Variants in LRRC4C observed in about 807,000 individuals in gnomAD.
LRRC4C encodes leucine rich repeat containing 4C, also known as leucine-rich repeat-containing protein 4C.
LRRC4C carries 5 observed loss-of-function variants against 33.6 expected under a neutral mutation model. The observed-to-expected ratio is 0.15, with a 90% confidence interval of 0.08 to 0.31. The LOEUF is 0.31. LRRC4C is among the 10% of genes least tolerant of loss of function. The pLI is 1.00. For synonymous variants in LRRC4C, 329 were observed against 302.0 expected (o/e 1.09, Z -0.93); for missense variants, 560 against 796.7 (o/e 0.70, Z 3.58).
chr11:41,281,788 C>T (rs957221551), intron 1 of LRRC4C, among the ~76,000 whole-genome samples: 1 of 152,218 alleles, frequency 6.6e-6, no homozygotes, highest in African/African-American at 2.4e-5. Flanking sequence ...CATTAAGCCA[C>T]TCCAACAATC....
intron 3 of LRRC4C, among the ~76,000 whole-genome samples, chr11:40,623,854 G>T (rs977678361): frequency 3.2e-4 from 49 of 152,062 alleles, no homozygotes; most frequent in Middle Eastern, 3.4e-3. Context: ...TATCTCAACA[G>T]AATCAGTTAA....
At chr11:40,336,856 A>G (rs564849630) in intron 3 of LRRC4C, among the ~76,000 whole-genome samples, 178 of 151,586 alleles carry the variant, frequency 1.2e-3, no homozygotes, top group Admixed American at 3.3e-3. Flanking sequence ...GGGCGCCTGT[A>G]GTCCCAGCTA....
chr11:41,211,074 C>T (rs778781407), intron 1 of LRRC4C, among the ~76,000 whole-genome samples: 2 of 152,176 alleles, frequency 1.3e-5, no homozygotes, highest in Non-Finnish European at 2.9e-5. Flanking sequence ...TGCTGTGCGG[C>T]CTAGTTCCTA....
intron 3 of LRRC4C, among the ~76,000 whole-genome samples, chr11:40,560,754 C>A (rs891288627): frequency 2.6e-5 from 4 of 152,170 alleles, no homozygotes; most frequent in Admixed American, 1.3e-4. Context: ...TCTGATCTAA[C>A]TTCTGTCAAT....
At chr11:40,511,598 G>A (rs757401412) in intron 3 of LRRC4C, among the ~76,000 whole-genome samples, 2 of 152,156 alleles carry the variant, frequency 1.3e-5, no homozygotes, top group African/African-American at 4.8e-5. Flanking sequence ...TATCTCATAT[G>A]TTTTGCATAA....
intron 5 of LRRC4C, among the ~76,000 whole-genome samples, chr11:40,208,697 G>T (rs1863345131): frequency 6.6e-6 from 1 of 152,088 alleles, no homozygotes; most frequent in African/African-American, 2.4e-5. Flanking sequence ...TACAAGTATT[G>T]CCCCAGATAC....
At chr11:41,075,183 C>G (rs371100745) in intron 1 of LRRC4C, among the ~76,000 whole-genome samples, 2 of 151,970 alleles carry the variant, frequency 1.3e-5, no homozygotes, top group South Asian at 2.1e-4. Flanking sequence ...TTAGGCTCAA[C>G]GGTCACTTTG....
At chr11:40,288,367 A>T (rs1208109250) in intron 4 of LRRC4C, among the ~76,000 whole-genome samples, 1 of 152,372 alleles carries the variant, frequency 6.6e-6, no homozygotes, top group African/African-American at 2.4e-5. Flanking sequence ...CAATATTCAC[A>T]CAGATTTCAA....
intron 1 of LRRC4C, among the ~76,000 whole-genome samples, chr11:41,040,458 A>G (rs1857365505): frequency 6.6e-6 from 1 of 152,230 alleles, no homozygotes; most frequent in Non-Finnish European, 1.5e-5. Flanking sequence ...GATTTTACAT[A>G]TAGCTAAGAA....
At chr11:40,136,791 G>C (rs1857011438) in intron 6 of LRRC4C, among the ~76,000 whole-genome samples, 1 of 152,088 alleles carries the variant, frequency 6.6e-6, no homozygotes, top group Admixed American at 6.5e-5. Context: ...CAGAACAGAG[G>C]GCTTGCCTGT....
chr11:41,302,261 G>A (rs951254655), intron 1 of LRRC4C, among the ~76,000 whole-genome samples: 1 of 152,274 alleles, frequency 6.6e-6, no homozygotes, highest in South Asian at 2.1e-4. Flanking sequence ...AGGAAATGTG[G>A]AATGGACTGT....
chr11:41,326,862 G>A (rs901903580), intron 1 of LRRC4C, among the ~76,000 whole-genome samples: 4 of 152,132 alleles, frequency 2.6e-5, no homozygotes, highest in Admixed American at 6.5e-5. Flanking sequence ...TATAACTCCC[G>A]ATACTCTATC....
intron 5 of LRRC4C, among the ~76,000 whole-genome samples, chr11:40,163,721 G>A (rs1363213822): frequency 6.6e-6 from 1 of 152,126 alleles, no homozygotes; most frequent in South Asian, 2.1e-4. Flanking sequence ...GAATTCCCAA[G>A]CTAAGTACAG....
chr11:40,929,825 A>AT (rs1178092174), intron 2 of LRRC4C, among the ~76,000 whole-genome samples: 2 of 151,978 alleles, frequency 1.3e-5, no homozygotes, highest in Non-Finnish European at 2.9e-5. Flanking sequence ...CTAATGCAAT[A>AT]TTTTTTCTTA....
chr11:41,346,371 CAT>C (rs1951804704), intron 1 of LRRC4C, among the ~76,000 whole-genome samples: 1 of 152,114 alleles, frequency 6.6e-6, no homozygotes, highest in African/African-American at 2.4e-5. Context: ...AATAAACAAA[CAT>C]AAAAAAATTA....
intron 2 of LRRC4C, among the ~76,000 whole-genome samples, chr11:40,867,722 GACAACAGCTGAATTT>G (rs1267708848): frequency 6.6e-6 from 1 of 152,254 alleles, no homozygotes; most frequent in East Asian, 1.9e-4. Context: ...AGACGGAAAT[GACAACAGCTGAATTT>G]AAATTGGAGG....
intron 3 of LRRC4C, among the ~76,000 whole-genome samples, chr11:40,424,430 T>TA (rs1950638506): frequency 6.6e-6 from 1 of 152,206 alleles, no homozygotes; most frequent in South Asian, 2.1e-4. Context: ...CCTCTATTTT[T>TA]AGGGCCTCAT....
At chr11:40,380,324 T>C (rs1187425620) in intron 3 of LRRC4C, among the ~76,000 whole-genome samples, 1 of 152,196 alleles carries the variant, frequency 6.6e-6, no homozygotes, top group East Asian at 1.9e-4. Context: ...GAATCCTTTG[T>C]TCTTGAACTG....
intron 3 of LRRC4C, among the ~76,000 whole-genome samples, chr11:40,561,094 C>T (rs1180219698): frequency 1.3e-5 from 2 of 152,120 alleles, no homozygotes; most frequent in Admixed American, 6.5e-5. Flanking sequence ...ATTGGTCAAA[C>T]TTAGGAAAAT....
Sources: gnomAD v4.1 joint callset for allele counts (sites outside exome capture counted in the v4.1 genomes callset) on GRCh38, gnomAD v4.1.1 for gene constraint, MANE v1.5 for transcripts, NCBI Gene and HGNC (gene_info 2026-07-23, HGNC 2026-07-21) for gene names.